The following BICDL1 variants were observed in gnomAD, a reference collection of about 807,000 sequenced individuals.
The protein encoded by BICDL1 is BICD family like cargo adaptor 1, also known as BICD family-like cargo adapter 1.
A neutral mutation model predicts 76.8 loss-of-function variants in BICDL1; 20 were observed. The observed-to-expected ratio is 0.26, with a 90% CI of 0.18 to 0.38. The LOEUF (loss-of-function observed/expected upper bound fraction) is 0.38, where lower values mean the gene tolerates loss of function less well. Among genes scored for constraint, BICDL1 ranks in the 10% least tolerant of loss-of-function variants. The probability of loss-of-function intolerance (pLI) is 1.00; values close to 1 mark genes in which losing one functional copy is unlikely to be tolerated. For synonymous variants in BICDL1, 383 were observed against 337.1 expected (o/e 1.14, Z -1.49); for missense variants, 700 against 798.6 (o/e 0.88, Z 1.49).
chr12:120,035,725 T>C (rs1952518956), intron 2 of BICDL1, among the ~76,000 whole-genome samples: 1 of 152,212 alleles, frequency 6.6e-6, no homozygotes, highest in Non-Finnish European at 1.5e-5. Context: ...AATGTTATAA[T>C]AAAAGGAAAA....
At chr12:120,038,450 T>TA (rs1444140824) in intron 2 of BICDL1, among the ~76,000 whole-genome samples, 1 of 150,410 alleles carries the variant, frequency 6.6e-6, no homozygotes, top group African/African-American at 2.4e-5. Context: ...AGTGTTTGTA[T>TA]TTTTTTTTTC....
intron 2 of BICDL1, among the ~76,000 whole-genome samples, chr12:120,044,662 G>T (rs992481278): frequency 1.3e-5 from 2 of 152,068 alleles, no homozygotes; most frequent in Non-Finnish European, 2.9e-5. Flanking sequence ...ATTAAATAGG[G>T]AATCCTTTCC....
intron 2 of BICDL1, among the ~76,000 whole-genome samples, chr12:120,013,249 G>A (rs1426561340): frequency 1.3e-5 from 2 of 151,296 alleles, no homozygotes; most frequent in African/African-American, 4.9e-5. Flanking sequence ...GGGAGGTGGA[G>A]GTTGCAATGA....
rs542779128 is a variant in BICDL1, at chr12:119,990,228, G to C, written c.360G>C (p.Leu120=). The change falls in exon 1 of 10, where the codon CTG becomes CTC. Residue 120 remains leucine, a synonymous_variant. Transcript: ENST00000548673. ...TGGCGGCCCGGCTGGGTAAGGCGCTGCTCGAGAGGAACCAGGACATGAGCC... is the reference window on the plus strand; with the variant it reads ...TGGCGGCCCGGCTGGGTAAGGCGCTCCTCGAGAGGAACCAGGACATGAGCC... The part of the protein sequence containing the change: ...LVLAARLGKA[L]LERNQDMSRQ... 1.2e-4 allele frequency: 195 copies of C among 1,575,056 alleles called. No individual in the cohort carries two copies. The East Asian group carries it at 4.2e-3, about 34-fold the overall frequency.
chr12:120,077,649 C>A (rs955006480), intron 7 of BICDL1, among the ~76,000 whole-genome samples: 1 of 152,182 alleles, frequency 6.6e-6, no homozygotes, highest in East Asian at 1.9e-4. Context: ...GGGCTTCACT[C>A]GCCAAATCTG....
At chr12:120,032,418 A>ATT (rs1369053745) in intron 2 of BICDL1, among the ~76,000 whole-genome samples, 3 of 152,210 alleles carry the variant, frequency 2.0e-5, no homozygotes, top group African/African-American at 7.2e-5. Flanking sequence ...GGGTTAAAGA[A>ATT]TTGACAGTTT....
chr12:120,080,417 C>T (rs151201191), intron 7 of BICDL1, among the ~76,000 whole-genome samples: 50 of 152,302 alleles, frequency 3.3e-4, no homozygotes, highest in African/African-American at 1.1e-3. Context: ...GTGCCAAGGG[C>T]TGTCACGGGG....
At chr12:120,020,525 C>T (rs1317791521) in intron 2 of BICDL1, among the ~76,000 whole-genome samples, 3 of 151,036 alleles carry the variant, frequency 2.0e-5, no homozygotes, top group South Asian at 2.1e-4. Context: ...CAGGAGCAAC[C>T]TTTTTTTTTA....
In BICDL1 at chr12:120,080,967, A is replaced by G. The variant is rs750660669; in HGVS notation, c.1533A>G (p.Pro511=). The G allele has an allele frequency of 1.2e-6, 2 of 1,613,894 alleles. No homozygotes were observed. The highest frequency in any genetic ancestry group is 1.7e-6 in the Non-Finnish European group (2 of 1,179,916). Residue 511 remains proline (P), a synonymous_variant, in exon 8 of 10, where the codon CCA becomes CCG. Transcript: ENST00000548673. The part of the protein sequence containing the change: ...RLRVTSEDKE[P]KEQLQKAIRD... ...GAGTCACTTCTGAGGACAAGGAGCC[A>G]AAGGAGCAGCTTCAGAAGGCCATCA... is the stretch of plus-strand genomic sequence containing the variant.
chr12:119,989,843 C>A lies in BICDL1; in HGVS notation c.-26C>A. On this transcript the variant is annotated 5_prime_UTR_variant, in exon 1 of 10. Transcript: ENST00000548673. ...CTGGCGCGCGCGGGCCGGGCCGCAC[C>A]GCTGCGGGCTCCGCGCGCGCGGGCC... 4.6e-6 allele frequency: 6 copies of A among 1,291,966 alleles called. No individual in the cohort carries two copies. In the South Asian group the frequency reaches 1.3e-4, roughly 28 times the overall value. The allele number at this position is 1,291,966 out of a possible 1,614,324, so 80.0% of individuals were successfully genotyped here. A position where few individuals can be genotyped will look rare whatever the true frequency, so the allele number is the denominator to read the frequency against.
intron 8 of BICDL1, among the ~76,000 whole-genome samples, chr12:120,085,997 T>TA (rs1453101134): frequency 1.6e-5 from 2 of 126,738 alleles, no homozygotes; most frequent in African/African-American, 8.1e-5. Flanking sequence ...CTTTCTCCCT[T>TA]TAAAAAAAAA....
intron 2 of BICDL1, among the ~76,000 whole-genome samples, chr12:120,016,250 A>G (rs1240371595): frequency 6.6e-6 from 1 of 152,064 alleles, no homozygotes; most frequent in Non-Finnish European, 1.5e-5. Flanking sequence ...TTAGTATTCC[A>G]TTGTGTGAAT....
chr12:120,018,084 C>A (rs1361357821), intron 2 of BICDL1, among the ~76,000 whole-genome samples: 1 of 152,202 alleles, frequency 6.6e-6, no homozygotes, highest in Non-Finnish European at 1.5e-5. Context: ...TTCCTGTGTT[C>A]TAAAGCTGTA....
chr12:120,053,152 T>C (rs1276966539), intron 2 of BICDL1, among the ~76,000 whole-genome samples: 1 of 152,074 alleles, frequency 6.6e-6, no homozygotes, highest in East Asian at 1.9e-4. Context: ...CAATCTCGGC[T>C]CACCACAACC....
At chr12:120,056,350 T>C (rs1952970897) in intron 2 of BICDL1, among the ~76,000 whole-genome samples, 1 of 152,220 alleles carries the variant, frequency 6.6e-6, no homozygotes, top group Admixed American at 6.5e-5. Context: ...TACTGGCTGC[T>C]TAGTTAGGCA....
At chr12:120,078,413 G>T (rs1053635984) in intron 7 of BICDL1, among the ~76,000 whole-genome samples, 3 of 152,108 alleles carry the variant, frequency 2.0e-5, no homozygotes, top group Non-Finnish European at 4.4e-5. Flanking sequence ...ATTTAATTGC[G>T]GGGACACCCA....
intron 8 of BICDL1, among the ~76,000 whole-genome samples, chr12:120,083,472 A>T (rs1874149531): frequency 6.6e-6 from 1 of 152,044 alleles, no homozygotes; most frequent in Non-Finnish European, 1.5e-5. Context: ...CCTGTTGCTC[A>T]GGCTGGTCTT....
At chr12:119,992,648 G>A (rs3742044) in intron 1 of BICDL1, 52,702 of 152,194 alleles carry the variant, frequency 0.35, 12,164 homozygotes, top group African/African-American at 0.65. Flanking sequence ...GCCTTCCAAA[G>A]TGGTGGGATT....
intron 2 of BICDL1, among the ~76,000 whole-genome samples, chr12:120,059,608 C>G (rs2138889982): frequency 6.6e-6 from 1 of 152,234 alleles, no homozygotes; most frequent in East Asian, 1.9e-4. Context: ...TAGGGTTTCG[C>G]CATGTTGGCC....
Sources: allele counts gnomAD v4.1 joint callset (sites outside exome capture counted in the v4.1 genomes callset), GRCh38; gene constraint gnomAD v4.1.1; transcripts MANE v1.5; gene names NCBI Gene and HGNC (gene_info 2026-07-23, HGNC 2026-07-21).